Variants in TTC21A observed in about 807,000 individuals in gnomAD.
TTC21A encodes the protein tetratricopeptide repeat protein 21A.
In TTC21A, 128 loss-of-function variants were observed where a neutral mutation model predicts 156.4. The observed-to-expected ratio is 0.82, with a 90% CI of 0.71 to 0.95. The LOEUF is 0.95. Ranked by LOEUF, TTC21A falls within the 40% of genes least tolerant of loss-of-function variation. The pLI, the probability that TTC21A is intolerant of heterozygous loss-of-function variation, is 0.00. For missense variants in TTC21A, 1,435 were observed against 1,602.3 expected, an observed-to-expected ratio of 0.90 and a Z score of 1.78; for synonymous variants, 587 against 617.1, an observed-to-expected ratio of 0.95 and a Z score of 0.72.
In TTC21A at chr3:39,137,633, C is replaced by T; in HGVS notation, c.3598C>T (p.Leu1200=). ...AEDLEKSWLL[L]ADIYCQGSKF... is the part of the protein sequence containing the mutation. ...GGACCTGGAGAAGAGCTGGCTCCTG[C>T]TGGCTGACATTTACTGCCAGGGCAG... The change falls in exon 26 of 29, where the codon CTG becomes TTG. Residue 1200 remains leucine (L), a synonymous_variant. Transcript: ENST00000683103. 1 of 1,614,202 alleles carries T rather than the reference C, an allele frequency of 6.2e-7. No homozygotes were observed.
intron 12 of TTC21A, among the ~76,000 whole-genome samples, chr3:39,126,875 C>T (rs1319380760): frequency 6.6e-6 from 1 of 152,194 alleles, no homozygotes; most frequent in Non-Finnish European, 1.5e-5. Flanking sequence ...GAGCTTGCAT[C>T]TAGTAAGGGG....
chr3:39,131,858 A>G (rs951268182), intron 19 of TTC21A, among the ~76,000 whole-genome samples: 2 of 152,128 alleles, frequency 1.3e-5, no homozygotes, highest in Non-Finnish European at 1.5e-5. Flanking sequence ...ATCCCTCATG[A>G]TCCAATCACC....
At chr3:39,135,762 A>C (rs757301984) in intron 22 of TTC21A, among the ~76,000 whole-genome samples, 17 of 152,182 alleles carry the variant, frequency 1.1e-4, no homozygotes, top group Non-Finnish European at 2.2e-4. Context: ...ACACAATAAG[A>C]GTACCTACCT....
intron 12 of TTC21A, among the ~76,000 whole-genome samples, chr3:39,127,088 C>T (rs1176142820): frequency 2.6e-5 from 4 of 152,162 alleles, no homozygotes; most frequent in Non-Finnish European, 4.4e-5. Context: ...GGCCCTTTCA[C>T]CTTCTCCCTT....
chr3:39,121,033 A>C lies in TTC21A; in HGVS notation c.937A>C (p.Ser313Arg). The C allele has an allele frequency of 6.2e-7, 1 of 1,613,076 alleles. No individual in the cohort carries two copies. Residue 313 changes from serine (S) to arginine (R), a missense_variant, in exon 9 of 29, where the codon AGT (serine) becomes CGT (arginine). Coordinates refer to ENST00000683103, the MANE Select transcript of TTC21A (RefSeq NM_001366900.1). ...CCAGGTGATTCTAGGGCTAGTGTGTAGTTTCATCGAGCGCACCTTCATGGC... is the reference window on the plus strand; with the variant it reads ...CCAGGTGATTCTAGGGCTAGTGTGTCGTTTCATCGAGCGCACCTTCATGGC... ...SHQVILGLVC[S>R]FIERTFMATP...
intron 12 of TTC21A, 42 bp downstream of exon 12, chr3:39,126,432 A>C: frequency 6.2e-7 from 1 of 1,608,058 alleles, no homozygotes; most frequent in Non-Finnish European, 8.5e-7. Flanking sequence ...CCTTGCAAAC[A>C]CCTGATGTAG....
At chr3:39,136,596 C>T in intron 23 of TTC21A, 89 bp downstream of exon 23, 1 of 1,481,092 alleles carries the variant, frequency 6.8e-7, no homozygotes, top group Non-Finnish European at 9.1e-7. Flanking sequence ...ACAAAAGGAG[C>T]AGAAATTCTG....
intron 2 of TTC21A, 46 bp downstream of exon 2, chr3:39,109,260 G>T (rs760766903): frequency 6.3e-7 from 1 of 1,592,468 alleles, no homozygotes; most frequent in Non-Finnish European, 8.6e-7. Context: ...GCACTAGCTG[G>T]GCCCTAACAC....
At chr3:39,123,000 T>A (rs1224089860) in intron 9 of TTC21A, among the ~76,000 whole-genome samples, 1 of 152,170 alleles carries the variant, frequency 6.6e-6, no homozygotes, top group Non-Finnish European at 1.5e-5. Context: ...ATAAATCTGC[T>A]AGCAGTCTGA....
At chr3:39,113,654 CGTA>C (rs1391074045) in intron 5 of TTC21A, among the ~76,000 whole-genome samples, 1 of 152,212 alleles carries the variant, frequency 6.6e-6, no homozygotes, top group East Asian at 1.9e-4. Flanking sequence ...TGGTCTATAA[CGTA>C]GTTTTCACCC....
In TTC21A at chr3:39,134,410, A is replaced by G. The variant is rs1216389737; in HGVS notation, c.2862+82A>G. 1 of 997,478 alleles carries G rather than the reference A, an allele frequency of 1.0e-6. No homozygotes were observed. Among genetic ancestry groups the G allele is most frequent in the East Asian group, 2.4e-5 (1 of 42,090 alleles). 61.8% of individuals were successfully genotyped at this position (997,478 alleles called of 1,614,324 possible). A position where few individuals can be genotyped will look rare whatever the true frequency, so the allele number is the denominator to read the frequency against. ...TGTGACCAGATGCAGGCTACTTCCT[A>G]GCCCCGTAACCTCAGATGCCTCACT... On this transcript the variant is annotated intron_variant, in intron 21 of 28. Transcript: ENST00000683103. The surrounding 1 kb of genome is among the most constrained non-coding windows in gnomAD (Gnocchi z 4.6).
At chr3:39,135,231 C>T in intron 22 of TTC21A, 57 bp downstream of exon 22, 3 of 1,465,728 alleles carry the variant, frequency 2.0e-6, no homozygotes, top group Non-Finnish European at 2.9e-6. Flanking sequence ...GGGCCGCTCT[C>T]CCAGAGAAGG....
Position 39,134,490 on chromosome 3 carries a change from G to T in TTC21A, c.2862+162G>T, listed in dbSNP as rs117688058. On this transcript the variant is annotated intron_variant, in intron 21 of 28. Coordinates refer to ENST00000683103, the MANE Select transcript of TTC21A (RefSeq NM_001366900.1). This position sits in a 1 kb window ranked among gnomAD's most constrained non-coding sequence, Gnocchi z 4.6. ...GAGGACTCAGTGCTGCACCTACTCT[G>T]CCCTTTAGCCGGAAGCGGTAGGCTG... The T allele has an allele frequency of 1.2e-3, 818 of 697,194 alleles. 9 individuals carry two copies. In the East Asian group the frequency reaches 0.02, roughly 17 times the overall value. 43.2% of individuals were successfully genotyped at this position (697,194 alleles called of 1,614,324 possible). A position where few individuals can be genotyped will look rare whatever the true frequency, so the allele number is the denominator to read the frequency against.
chr3:39,108,913 CTCCCAGGGCTG>C (rs2036529044), intron 1 of TTC21A, among the ~76,000 whole-genome samples, 161 bp from the exon 2 acceptor site: 1 of 152,256 alleles, frequency 6.6e-6, no homozygotes, highest in South Asian at 2.1e-4. Flanking sequence ...CATGGAGCTG[CTCCCAGGGCTG>C]TTAGAGGACA....
rs1475131121 is a variant in TTC21A at position 39,137,065 on chromosome 3, G to C, written c.3257+5G>C. 1 of 1,613,474 alleles carries C rather than the reference G, an allele frequency of 6.2e-7. No homozygotes were observed. Among genetic ancestry groups the C allele is most frequent in the Non-Finnish European group, 8.5e-7 (1 of 1,179,722 alleles). On this transcript the variant is annotated splice_donor_5th_base_variant and intron_variant, in intron 24 of 28. Coordinates refer to ENST00000683103, the MANE Select transcript of TTC21A (RefSeq NM_001366900.1). ...GAACCAGGGAGCTGAGAGCAAGTAA[G>C]GGCCCATGGAGGCAGGGGCGGAACC...
intron 9 of TTC21A, among the ~76,000 whole-genome samples, chr3:39,124,690 T>C (rs1285004125): frequency 7.8e-6 from 1 of 128,360 alleles, no homozygotes; most frequent in Non-Finnish European, 1.7e-5. Context: ...TGTAGAATGG[T>C]GTATGTGAAA....
chr3:39,133,082 C>T lies in TTC21A; in HGVS notation c.2593C>T (p.Arg865Ter), dbSNP rs766134454. 8 of 1,614,094 alleles carry T rather than the reference C, an allele frequency of 5.0e-6. No homozygotes were observed. Among genetic ancestry groups the T allele is most frequent in the East Asian group, 2.2e-5 (1 of 44,896 alleles). The change falls in exon 20 of 29, where the codon CGA becomes TGA. Residue 865 changes from arginine to a stop codon, truncating the protein, a stop_gained. Coordinates refer to ENST00000683103, the MANE Select transcript of TTC21A (RefSeq NM_001366900.1). LOFTEE classifies it high-confidence loss of function. ...GGACCTCCAGTCTCGGATACTGAAG[C>T]GAGTTCCACTGGAGCAACCAGAAAT... is the stretch of plus-strand genomic sequence containing the variant. ...ALDLQSRILK[R>*]VPLEQPEMIP...
At chr3:39,133,407 CT>C (rs1269735084) in intron 20 of TTC21A, among the ~76,000 whole-genome samples, 167 bp downstream of exon 20, 6 of 152,266 alleles carry the variant, frequency 3.9e-5, no homozygotes, top group African/African-American at 9.6e-5. Flanking sequence ...GGTAAGGTGT[CT>C]GCTCCTGCTG....
intron 2 of TTC21A, 96 bp from the exon 3 acceptor site, chr3:39,109,933 A>G (rs2036663802): frequency 1.2e-6 from 1 of 837,476 alleles, no homozygotes; most frequent in Non-Finnish European, 1.9e-6. Flanking sequence ...CAGTTAGTCC[A>G]GCAGGTAGTA....
Sources: allele counts gnomAD v4.1 joint callset (sites outside exome capture counted in the v4.1 genomes callset), GRCh38; gene constraint gnomAD v4.1.1; non-coding constraint Gnocchi (gnomAD v3.1); transcripts MANE v1.5; gene names NCBI Gene and HGNC (gene_info 2026-07-23, HGNC 2026-07-21).